SNPH: variants seen among roughly 807,000 people sequenced by gnomAD.
The protein encoded by SNPH is syntaphilin.
SNPH carries 10 observed loss-of-function variants against 36.8 expected under a neutral mutation model. That is an observed-to-expected ratio of 0.27 (90% CI 0.17 to 0.46). The LOEUF (loss-of-function observed/expected upper bound fraction) is 0.46, where lower values mean the gene tolerates loss of function less well. Among genes scored for constraint, SNPH ranks in the 20% least tolerant of loss-of-function variants. The pLI is 1.00. For missense variants in SNPH, 622 were observed against 744.0 expected (o/e 0.84, Z 1.91); for synonymous variants, 281 against 312.2 (o/e 0.90, Z 1.05).
intron 2 of SNPH, among the ~76,000 whole-genome samples, chr20:1,268,015 G>C (rs2088028831): frequency 6.6e-6 from 1 of 152,224 alleles, no homozygotes; most frequent in South Asian, 2.1e-4. Context: ...AGATAGGCTG[G>C]GGGAAGAGAG....
At chr20:1,302,845 G>A (rs118173116) in intron 6 of SNPH, among the ~76,000 whole-genome samples, 2,999 of 152,316 alleles carry the variant, frequency 0.02, 43 homozygotes, top group Non-Finnish European at 0.028. Flanking sequence ...CTTCATTGTC[G>A]GCAGAGGGAG....
rs575369736 is a variant in SNPH at position 1,285,847 on chromosome 20, A to C, written c.-492-9104A>C. Among the ~76,000 whole-genome samples the C allele has an allele frequency of 2.6e-5, 4 of 152,224 alleles. No homozygotes were observed. The highest frequency in any genetic ancestry group is 5.9e-5 in the Non-Finnish European group (4 of 68,036). ...TGCAGTGGCTCATGCCTGTAATCCCAGCACTTTGGGAGGCCAAGGCAGGTG... is the reference window on the plus strand; with the variant it reads ...TGCAGTGGCTCATGCCTGTAATCCCCGCACTTTGGGAGGCCAAGGCAGGTG... On this transcript the variant is annotated intron_variant, in intron 2 of 6. Transcript: ENST00000381867. The surrounding 1 kb of genome is among the most constrained non-coding windows in gnomAD (Gnocchi z 4.9).
chr20:1,297,122 C>G, intron 4 of SNPH, 23 bp from the exon 5 acceptor site: 1 of 1,603,396 alleles, frequency 6.2e-7, no homozygotes, highest in African/African-American at 1.3e-5. Context: ...GAACGAGCAC[C>G]TGCCTCTTCT....
At chr20:1,277,793 GTGTGCCTGTGTGTGTC>G (rs536718312) in intron 2 of SNPH, among the ~76,000 whole-genome samples, 5,463 of 146,382 alleles carry the variant, frequency 0.037, 134 homozygotes, top group Middle Eastern at 0.06. Context: ...GCCTGTGTAT[GTGTGCCTGTGTGTGTC>G]TGTGCCTGTG....
chr20:1,303,817 T>G (rs76077319), intron 6 of SNPH, among the ~76,000 whole-genome samples: 342 of 152,288 alleles, frequency 2.2e-3, no homozygotes, highest in African/African-American at 8.1e-3. Flanking sequence ...GCACGGCATT[T>G]GTAGATTTTA....
At position 1,291,519 on chromosome 20, in the gene SNPH, C is replaced by A. The variant is rs36158297; in HGVS notation, c.-492-3432C>A. Reference sequence around the variant, plus strand: ...TCTAGAGTGTGGCTGCTGGAACACTCCCAGGCCTGTCTTCTATTCCCACCT... The same window carrying A: ...TCTAGAGTGTGGCTGCTGGAACACTACCAGGCCTGTCTTCTATTCCCACCT... On this transcript the variant is annotated intron_variant, in intron 2 of 6. Transcript: ENST00000381867. Among the ~76,000 whole-genome samples the A allele has an allele frequency of 1.2e-3, 184 of 152,272 alleles. 1 individual carries two copies. The highest frequency in any genetic ancestry group is 2.1e-3 in the Non-Finnish European group (143 of 68,014).
rs1373806190 is a variant in SNPH at position 1,306,919 on chromosome 20, G to T, written c.*865G>T. The T allele has an allele frequency of 6.6e-6, 1 of 152,356 alleles. No homozygotes were observed. Among genetic ancestry groups the T allele is most frequent in the Non-Finnish European group, 1.5e-5 (1 of 68,108 alleles). The allele number at this position is 152,356 out of a possible 1,614,324, so 9.4% of individuals were successfully genotyped here. A position where few individuals can be genotyped will look rare whatever the true frequency, so the allele number is the denominator to read the frequency against. On this transcript the variant is annotated 3_prime_UTR_variant, in exon 7 of 7. Coordinates refer to ENST00000381867, the MANE Select transcript of SNPH (RefSeq NM_001318234.2). ...GGAGGCAGGGGCAGAAACCCAAGGG[G>T]GCTCCCCCAGCCTTCCAAGGTGAGG...
At chr20:1,286,465 C>G (rs1465718054) in intron 2 of SNPH, among the ~76,000 whole-genome samples, 1 of 152,098 alleles carries the variant, frequency 6.6e-6, no homozygotes, top group South Asian at 2.1e-4. Flanking sequence ...GAGATAGGCT[C>G]CTGGGCTAAA....
intron 2 of SNPH, among the ~76,000 whole-genome samples, chr20:1,271,398 G>A (rs1169484517): frequency 2.0e-5 from 3 of 152,176 alleles, no homozygotes; most frequent in African/African-American, 7.2e-5. Flanking sequence ...CTGGAGTTCA[G>A]TGGCATGATC....
intron 2 of SNPH, among the ~76,000 whole-genome samples, chr20:1,279,341 T>G (rs2088188130): frequency 6.6e-6 from 1 of 152,244 alleles, no homozygotes; most frequent in Admixed American, 6.5e-5. Flanking sequence ...TTTTTGTGTC[T>G]ATTTGACAGC....
chr20:1,305,633 C>T lies in SNPH; in HGVS notation c.1196C>T (p.Pro399Leu). Residue 399 changes from proline to leucine, a missense_variant, in exon 7 of 7, where the codon CCT becomes CTT. Transcript: ENST00000381867. ...AGGTGCCCAGAGCTGGATGCCCACC[C>T]TTCAGGGCCCAGAGACCCCAACTCA... ...GDRCPELDAH[P>L]SGPRDPNSAV... 1 of 1,613,536 alleles carries T rather than the reference C, an allele frequency of 6.2e-7. No individual in the cohort carries two copies. Among genetic ancestry groups the T allele is most frequent in the Non-Finnish European group, 8.5e-7 (1 of 1,180,000 alleles).
chr20:1,300,551 TC>T lies in SNPH; in HGVS notation c.291-7del. On this transcript the variant is annotated splice_polypyrimidine_tract_variant and intron_variant, in intron 5 of 6. Coordinates refer to ENST00000381867, the MANE Select transcript of SNPH (RefSeq NM_001318234.2). ...CTTCCTCCCTCCCTGATGATGGGCG[TC>T]CCCTTGCAGGCGCTCCATGAAATAC... 1 of 1,613,734 alleles carries T rather than the reference TC, an allele frequency of 6.2e-7. No individual in the cohort carries two copies. The highest frequency in any genetic ancestry group is 8.5e-7 in the Non-Finnish European group (1 of 1,179,922).
intron 2 of SNPH, among the ~76,000 whole-genome samples, chr20:1,279,618 CTTT>C (rs1162325274): frequency 6.5e-5 from 8 of 123,066 alleles, no homozygotes; most frequent in Non-Finnish European, 1.7e-5. Flanking sequence ...ACTCCGGCTT[CTTT>C]TTTTTTTTTT....
chr20:1,300,424 C>G, intron 5 of SNPH, 138 bp from the exon 6 acceptor site: 1 of 846,348 alleles, frequency 1.2e-6, no homozygotes, highest in Non-Finnish European at 1.9e-6. Flanking sequence ...GGTTCTCCTG[C>G]CTTGTGTGGG....
chr20:1,280,744 T>C lies in SNPH; in HGVS notation c.-493+13984T>C, dbSNP rs1600249573. Among the ~76,000 whole-genome samples the C allele has an allele frequency of 2.0e-5, 3 of 152,314 alleles. No individual in the cohort carries two copies. The East Asian group carries it at 5.8e-4, about 29-fold the overall frequency. The stretch of plus-strand genomic sequence containing the variant: ...CCTCAGGGGCCCTCTTCCTGGTTCC[T>C]GGATTGATGGAATGGGGTTCTCAGA... On this transcript the variant is annotated intron_variant, in intron 2 of 6. Transcript: ENST00000381867.
At chr20:1,303,810 C>T (rs1021001540) in intron 6 of SNPH, among the ~76,000 whole-genome samples, 3 of 152,070 alleles carry the variant, frequency 2.0e-5, no homozygotes, top group Admixed American at 6.5e-5. Context: ...GTGACAGGCA[C>T]GGCATTTGTA....
chr20:1,305,986 C>G lies in SNPH; in HGVS notation c.1549C>G (p.Arg517Gly). ...GCCTVALHSI[R>G]RISCRSLSQP... ...CTGCACTGTGGCCTTGCACTCCATC[C>G]GCAGGATCAGCTGCCGCTCGCTGAG... The change falls in exon 7 of 7, where the codon CGC becomes GGC. Residue 517 changes from arginine (R) to glycine (G), a missense_variant. Physicochemically the swap from Arg to Gly is moderately radical, Grantham distance 125. Coordinates refer to ENST00000381867, the MANE Select transcript of SNPH (RefSeq NM_001318234.2). 6.5e-7 allele frequency: 1 copy of G among 1,542,888 alleles called. No individual in the cohort carries two copies.
Position 1,266,546 on chromosome 20 carries a change from C to A in SNPH, c.-599-108C>A, listed in dbSNP as rs1486475139. ...CCCGGCAGGCAGCCTGCCCTCCAAG[C>A]CTTCTGGCTGCAGCGGCCCAGCTGT... On this transcript the variant is annotated intron_variant, in intron 1 of 6. Transcript: ENST00000381867. The surrounding 1 kb of genome is among the most constrained non-coding windows in gnomAD (Gnocchi z 6.0). 7 of 1,367,102 alleles carry A rather than the reference C, an allele frequency of 5.1e-6. No homozygotes were observed. The East Asian group carries it at 2.2e-4, about 42-fold the overall frequency. 84.7% of individuals were successfully genotyped at this position (1,367,102 alleles called of 1,614,324 possible). A position where few individuals can be genotyped will look rare whatever the true frequency, so the allele number is the denominator to read the frequency against.
In SNPH at chr20:1,306,047, A is replaced by C; in HGVS notation, c.1610A>C (p.Gln537Pro). Residue 537 changes from glutamine (Q) to proline (P), a missense_variant, in exon 7 of 7, where the codon CAG becomes CCG. By Grantham distance (76) the Gln-to-Pro change is moderately conservative (BLOSUM62 -1). Around this residue, in one of 3 missense-constraint regions of SNPH, gnomAD observed 379 missense variants for 427.9 expected, o/e 0.89. Transcript: ENST00000381867. The stretch of plus-strand genomic sequence containing the variant: ...CCCAGCCCAGCGGGCGGCGGCTCCC[A>C]GCTCTGAGGGGGCCCATTCTGGCAG... Reference protein sequence around the residue: ...PSPSPAGGGSQL With the variant: ...PSPSPAGGGSPL The C allele has an allele frequency of 6.9e-7, 1 of 1,459,346 alleles. No homozygotes were observed. 90.4% of individuals were successfully genotyped at this position (1,459,346 alleles called of 1,614,324 possible).
Sources: gnomAD v4.1 joint callset for allele counts (sites outside exome capture counted in the v4.1 genomes callset) on GRCh38, gnomAD v4.1.1 for gene constraint, gnomAD v4.1.1 regional missense constraint, Gnocchi (gnomAD v3.1) non-coding constraint, MANE v1.5 for transcripts, NCBI Gene and HGNC (gene_info 2026-07-23, HGNC 2026-07-21) for gene names.